NALCN: variants seen among roughly 807,000 people sequenced by gnomAD.
NALCN encodes the protein sodium leak channel, non-selective, also known as sodium leak channel NALCN.
A neutral mutation model predicts 225.3 loss-of-function variants in NALCN; 111 were observed. The ratio of observed to expected loss-of-function variants is 0.49; its 90% CI spans 0.42 to 0.58. NALCN has a LOEUF of 0.58. Among genes scored for constraint, NALCN ranks in the 20% least tolerant of loss-of-function variants. The pLI, the probability that NALCN is intolerant of heterozygous loss-of-function variation, is 0.00. For missense variants in NALCN, 1,378 were observed against 2,202.4 expected (o/e 0.63, Z 7.49); for synonymous variants, 764 against 769.0 (o/e 0.99, Z 0.11).
intron 12 of NALCN, among the ~76,000 whole-genome samples, chr13:101,230,836 GTA>G (rs1362348029): frequency 7.2e-6 from 1 of 138,064 alleles, no homozygotes; most frequent in Non-Finnish European, 1.7e-5. Context: ...ATACACGCAT[GTA>G]TATGTGTGTG....
rs869312952 is a variant in NALCN, at chr13:101,073,583, C to T, written c.4197+1G>A. 39 of 1,609,636 alleles carry T rather than the reference C, an allele frequency of 2.4e-5. No homozygotes were observed. Among genetic ancestry groups the T allele is most frequent in the Non-Finnish European group, 3.1e-5 (36 of 1,176,930 alleles). Reference sequence around the variant, plus strand: ...CCTTGTTCATGATGAGAGATATTTACCATACAGTCATGCATAATCTTGTTC... The same window carrying T: ...CCTTGTTCATGATGAGAGATATTTATCATACAGTCATGCATAATCTTGTTC... On this transcript the variant is annotated splice_donor_variant, in intron 37 of 43. Coordinates refer to ENST00000251127, the MANE Select transcript of NALCN (RefSeq NM_052867.4). LOFTEE classifies it high-confidence loss of function.
intron 10 of NALCN, among the ~76,000 whole-genome samples, chr13:101,272,167 A>AGT (rs374350284): frequency 1.3e-5 from 2 of 150,770 alleles, no homozygotes; most frequent in Admixed American, 6.6e-5. Context: ...AGCCTGTATG[A>AGT]GTGTGTGTGT....
At chr13:101,361,080 G>C (rs767615108) in intron 6 of NALCN, among the ~76,000 whole-genome samples, 1 of 152,154 alleles carries the variant, frequency 6.6e-6, no homozygotes, top group Non-Finnish European at 1.5e-5. Flanking sequence ...CACAAATGTG[G>C]CTTGGAATCA....
intron 10 of NALCN, among the ~76,000 whole-genome samples, chr13:101,268,169 G>A (rs2079355633): frequency 6.6e-6 from 1 of 152,198 alleles, no homozygotes; most frequent in Non-Finnish European, 1.5e-5. Flanking sequence ...AGACATGTAT[G>A]ACATGTATGT....
intron 3 of NALCN, 65 bp downstream of exon 3, chr13:101,395,118 G>A: frequency 1.4e-6 from 2 of 1,443,644 alleles, no homozygotes; most frequent in Non-Finnish European, 1.9e-6. Flanking sequence ...AAGAAAATAT[G>A]ATTAAAGGGA....
intron 6 of NALCN, among the ~76,000 whole-genome samples, chr13:101,348,165 G>A (rs575813623): frequency 6.6e-6 from 1 of 152,020 alleles, no homozygotes; most frequent in African/African-American, 2.4e-5. Context: ...ACATGAAAAA[G>A]TTTCCAAAAA....
At chr13:101,362,587 C>G (rs1052153771) in intron 6 of NALCN, among the ~76,000 whole-genome samples, 1 of 151,874 alleles carries the variant, frequency 6.6e-6, no homozygotes, top group African/African-American at 2.4e-5. Flanking sequence ...AAGGGGTATA[C>G]CTCAAAACAA....
chr13:101,133,649 G>T (rs111690430), intron 17 of NALCN, among the ~76,000 whole-genome samples: 26 of 152,238 alleles, frequency 1.7e-4, no homozygotes, highest in African/African-American at 6.0e-4. Flanking sequence ...GCATACGACA[G>T]ATCATGTGTG....
Position 101,258,519 on chromosome 13 carries a change from TC to T in NALCN, c.1189del (p.Asp397ThrfsTer2), listed in dbSNP as rs1188085526. On this transcript the variant is annotated frameshift_variant, in exon 11 of 44. Coordinates refer to ENST00000251127, the MANE Select transcript of NALCN (RefSeq NM_052867.4). LOFTEE classifies it high-confidence loss of function. ...GTAGTTGCTAGCCGCCACGATCACG[TC>T]CACGGTCACCATGCTCAGGATGAAC... ...HMFILSMVTV[D>X]VIVAASNYYK... is the part of the protein sequence containing the mutation. The T allele has an allele frequency of 6.2e-7, 1 of 1,614,176 alleles. No individual in the cohort carries two copies. Among genetic ancestry groups the T allele is most frequent in the South Asian group, 1.1e-5 (1 of 91,070 alleles).
At chr13:101,087,659 A>G (rs1052901209) in intron 30 of NALCN, among the ~76,000 whole-genome samples, 2 of 152,100 alleles carry the variant, frequency 1.3e-5, no homozygotes, top group African/African-American at 4.8e-5. Flanking sequence ...GATCCCCCAA[A>G]CAGGCCACGT....
intron 7 of NALCN, among the ~76,000 whole-genome samples, chr13:101,294,823 C>A (rs1173581336): frequency 3.9e-5 from 6 of 152,008 alleles, no homozygotes; most frequent in African/African-American, 1.4e-4. Flanking sequence ...TGTGCATCAG[C>A]AATTTCTAAC....
rs755376554 is a variant in NALCN at position 101,089,967 on chromosome 13, C to T, written c.3270-1G>A. The T allele has an allele frequency of 6.2e-7, 1 of 1,613,878 alleles. No homozygotes were observed. The highest frequency in any genetic ancestry group is 8.5e-7 in the Non-Finnish European group (1 of 1,179,852). ...GAAATTAAAGTTCCGAGGATTCGCC[C>T]TGCGATTCCAATACAGGAATGTTCT... On this transcript the variant is annotated splice_acceptor_variant, in intron 28 of 43. Transcript: ENST00000251127. LOFTEE classifies it high-confidence loss of function. This position sits in a 1 kb window ranked among gnomAD's most constrained non-coding sequence, Gnocchi z 4.7.
At chr13:101,322,708 G>T (rs1267804872) in intron 7 of NALCN, among the ~76,000 whole-genome samples, 3 of 151,918 alleles carry the variant, frequency 2.0e-5, no homozygotes, top group East Asian at 1.9e-4. Flanking sequence ...TCTAAGCGTG[G>T]TTTTTTTATT....
At chr13:101,346,085 CTCTATATATA>C (rs1341401542) in intron 6 of NALCN, among the ~76,000 whole-genome samples, 12 of 80,382 alleles carry the variant, frequency 1.5e-4, no homozygotes, top group Middle Eastern at 5.4e-3. Context: ...CTCTCTCTCT[CTCTATATATA>C]TATATATATA....
At chr13:101,392,557 G>T (rs552718717) in intron 3 of NALCN, among the ~76,000 whole-genome samples, 2 of 152,154 alleles carry the variant, frequency 1.3e-5, no homozygotes, top group South Asian at 4.1e-4. Context: ...AGTTAATGAA[G>T]AAACACTAGA....
intron 7 of NALCN, among the ~76,000 whole-genome samples, chr13:101,299,542 T>G (rs1022452644): frequency 5.3e-5 from 8 of 152,178 alleles, no homozygotes; most frequent in African/African-American, 1.9e-4. Context: ...AACAGACTAA[T>G]TCTTAATCCA....
chr13:101,394,197 T>A (rs2047220975), intron 3 of NALCN, among the ~76,000 whole-genome samples: 1 of 152,152 alleles, frequency 6.6e-6, no homozygotes, highest in Admixed American at 6.5e-5. Context: ...TTTTTTAAAG[T>A]CCACAATAAA....
At chr13:101,095,785 C>G (rs1258381556) in intron 27 of NALCN, 105 bp from the exon 28 acceptor site, 7 of 903,462 alleles carry the variant, frequency 7.7e-6, no homozygotes, top group Non-Finnish European at 1.2e-5. Flanking sequence ...CCCAAAAGCC[C>G]TTTATCTAAC....
At chr13:101,234,624 C>G (rs1204578376) in intron 12 of NALCN, among the ~76,000 whole-genome samples, 1 of 152,186 alleles carries the variant, frequency 6.6e-6, no homozygotes, top group South Asian at 2.1e-4. Flanking sequence ...GATTTACTTT[C>G]TAGCCACAAA....
Sources: allele counts gnomAD v4.1 joint callset (sites outside exome capture counted in the v4.1 genomes callset), GRCh38; gene constraint gnomAD v4.1.1; non-coding constraint Gnocchi (gnomAD v3.1); transcripts MANE v1.5; gene names NCBI Gene and HGNC (gene_info 2026-07-23, HGNC 2026-07-21).